The following RBFOX3 variants were observed in gnomAD, a reference collection of about 807,000 sequenced individuals.
RBFOX3 encodes the protein RNA binding fox-1 homolog 3, also known as RNA binding protein fox-1 homolog 3.
RBFOX3 carries 17 observed loss-of-function variants against 48.7 expected under a neutral mutation model. That is an observed-to-expected ratio of 0.35 (90% CI 0.24 to 0.52). The LOEUF (loss-of-function observed/expected upper bound fraction) is 0.52. Ranked by LOEUF, RBFOX3 falls within the 20% of genes least tolerant of loss-of-function variation. The pLI is 0.94. For synonymous variants in RBFOX3, 212 were observed against 209.5 expected, an observed-to-expected ratio of 1.01 and a Z score of -0.10; for missense variants, 382 against 497.5, an observed-to-expected ratio of 0.77 and a Z score of 2.21.
chr17:79,633,657 G>T, the RBFOX3 span, among the ~76,000 whole-genome samples: 2 of 152,234 alleles, frequency 1.3e-5, no homozygotes, highest in Admixed American at 1.3e-4. Context: ...CCTGGAGACT[G>T]GACATGCTTT....
chr17:79,279,483 C>T (rs980327545), intron 3 of RBFOX3, among the ~76,000 whole-genome samples: 20 of 152,300 alleles, frequency 1.3e-4, no homozygotes, highest in Admixed American at 7.2e-4. Context: ...CGGCCCGGCA[C>T]GGTACGGCAC....
At position 79,584,987 on chromosome 17, in the gene RBFOX3, G is replaced by A. The variant is rs1236629547; in HGVS notation, c.-320+25839C>T. On this transcript the variant is annotated intron_variant, in intron 1 of 14. Coordinates refer to ENST00000693108, the MANE Select transcript of RBFOX3 (RefSeq NM_001350451.2). Reference sequence around the variant, plus strand: ...TCACCGTGTTAGCCAGGATGTTCTCGATCTCCTGACCTCGTGATCCGCCCG... The same window carrying A: ...TCACCGTGTTAGCCAGGATGTTCTCAATCTCCTGACCTCGTGATCCGCCCG... Among the ~76,000 whole-genome samples, 7 of 151,812 alleles carry A rather than the reference G, an allele frequency of 4.6e-5. No homozygotes were observed. In the Middle Eastern group the frequency reaches 0.01, roughly 221 times the overall value.
At chr17:79,322,330 A>T (rs1412788341) in intron 2 of RBFOX3, among the ~76,000 whole-genome samples, 2 of 152,176 alleles carry the variant, frequency 1.3e-5, no homozygotes, top group Non-Finnish European at 2.9e-5. Context: ...GGGGCTACGC[A>T]CTCCGAACTG....
intron 1 of RBFOX3, among the ~76,000 whole-genome samples, chr17:79,547,327 C>G (rs908579136): frequency 1.3e-5 from 2 of 151,912 alleles, no homozygotes; most frequent in African/African-American, 4.8e-5. Flanking sequence ...TGGTGGCGCA[C>G]GCCTGTAATC....
At position 79,217,105 on chromosome 17, in the gene RBFOX3, C is replaced by T. The variant is rs542206733; in HGVS notation, c.-34+18661G>A. ...CTACCAAGGGGAGCCCCTCCCCGCACGGCCAAGCTGAAAGGGCCTGGGGGC... is the reference window on the plus strand; with the variant it reads ...CTACCAAGGGGAGCCCCTCCCCGCATGGCCAAGCTGAAAGGGCCTGGGGGC... On this transcript the variant is annotated intron_variant, in intron 4 of 14. Transcript: ENST00000693108. Among the ~76,000 whole-genome samples the T allele has an allele frequency of 9.8e-5, 15 of 152,332 alleles. No individual in the cohort carries two copies. In the South Asian group the frequency reaches 2.1e-3, roughly 21 times the overall value.
intron 2 of RBFOX3, among the ~76,000 whole-genome samples, chr17:79,420,803 G>A (rs35086296): frequency 0.2 from 30,414 of 152,216 alleles, 3,504 homozygotes; most frequent in Middle Eastern, 0.3. Context: ...CCCCTGGAAC[G>A]GCTTACTGAT....
At chr17:79,255,915 T>A (rs140587481) in intron 3 of RBFOX3, among the ~76,000 whole-genome samples, 8 of 151,234 alleles carry the variant, frequency 5.3e-5, no homozygotes, top group African/African-American at 1.9e-4. Context: ...CTGGGGATCC[T>A]GGACCCGCTG....
chr17:79,629,971 T>C, the RBFOX3 span, among the ~76,000 whole-genome samples: 2 of 152,242 alleles, frequency 1.3e-5, no homozygotes, highest in Non-Finnish European at 2.9e-5. Flanking sequence ...TCTGTGTAAG[T>C]GGACGACGGG....
In RBFOX3 at chr17:79,199,524, C is replaced by G. The variant is rs1365340824; in HGVS notation, c.-34+36242G>C. ...TGGATGGCCTGAACCCAGTCACTGA[C>G]TTAGGGCTGCCAGTGACCTCTGTGG... is the stretch of plus-strand genomic sequence containing the variant. On this transcript the variant is annotated intron_variant, in intron 4 of 14. Transcript: ENST00000693108. The surrounding 1 kb of genome is among the most constrained non-coding windows in gnomAD (Gnocchi z 5.1). Among the ~76,000 whole-genome samples, 2 of 152,220 alleles carry G rather than the reference C, an allele frequency of 1.3e-5. No homozygotes were observed. Among genetic ancestry groups the G allele is most frequent in the African/African-American group, 4.8e-5 (2 of 41,464 alleles).
the RBFOX3 span, among the ~76,000 whole-genome samples, chr17:79,641,481 A>G: frequency 6.6e-6 from 1 of 152,218 alleles, no homozygotes; most frequent in Admixed American, 6.5e-5. Flanking sequence ...CAGTTTCTCA[A>G]AGAGACAACT....
chr17:79,158,834 C>A (rs1398141135), intron 4 of RBFOX3, among the ~76,000 whole-genome samples: 2 of 152,204 alleles, frequency 1.3e-5, no homozygotes, highest in African/African-American at 4.8e-5. Flanking sequence ...GCCCACGTGG[C>A]AGTCACTTCT....
At chr17:79,147,075 C>T (rs541347479) in intron 4 of RBFOX3, among the ~76,000 whole-genome samples, 9 of 152,350 alleles carry the variant, frequency 5.9e-5, no homozygotes, top group South Asian at 4.1e-4. Context: ...GGTCAGCCCC[C>T]GGTGCCAGGT....
At chr17:79,637,824 AAGGGAAG>A in the RBFOX3 span, among the ~76,000 whole-genome samples, 1 of 122,772 alleles carries the variant, frequency 8.1e-6, no homozygotes, top group African/African-American at 2.7e-5. Context: ...AAGGGAAGGG[AAGGGAAG>A]GGGAAAAGGG....
At chr17:79,621,924 C>T in the RBFOX3 span, among the ~76,000 whole-genome samples, 10 of 152,226 alleles carry the variant, frequency 6.6e-5, no homozygotes, top group East Asian at 1.9e-4. Context: ...CACCCGAATC[C>T]GGGGAGAAGG....
Position 79,471,841 on chromosome 17 carries a change from G to A in RBFOX3, c.-175+10613C>T, listed in dbSNP as rs539647883. Among the ~76,000 whole-genome samples, 19 of 152,270 alleles carry A rather than the reference G, an allele frequency of 1.2e-4. No individual in the cohort carries two copies. Among genetic ancestry groups the A allele is most frequent in the African/African-American group, 3.9e-4 (16 of 41,538 alleles). On this transcript the variant is annotated intron_variant, in intron 2 of 14. Coordinates refer to ENST00000693108, the MANE Select transcript of RBFOX3 (RefSeq NM_001350451.2). The surrounding 1 kb of genome is among the most constrained non-coding windows in gnomAD (Gnocchi z 4.0). ...CCCGTGTGTGACCCGGGATCCCACC[G>A]TTCTCCAGGGTCGAGGGAGAACACT...
chr17:79,166,976 C>T lies in RBFOX3; in HGVS notation c.-33-51228G>A, dbSNP rs555483925. Among the ~76,000 whole-genome samples, 17 of 152,246 alleles carry T rather than the reference C, an allele frequency of 1.1e-4. No individual in the cohort carries two copies. In the Middle Eastern group the frequency reaches 0.02, roughly 183 times the overall value. On this transcript the variant is annotated intron_variant, in intron 4 of 14. Coordinates refer to ENST00000693108, the MANE Select transcript of RBFOX3 (RefSeq NM_001350451.2). The stretch of plus-strand genomic sequence containing the variant: ...GTGAACAGACCAGTGGCCATGCCTC[C>T]GGGGGCCCAGAGACAGCCTCAAACA...
the RBFOX3 span, among the ~76,000 whole-genome samples, chr17:79,662,132 C>CTTTTTATTTTTTT: frequency 1.0e-5 from 1 of 96,856 alleles, no homozygotes; most frequent in Non-Finnish European, 1.9e-5. Context: ...CCTGTTTATT[C>CTTTTTATTTTTTT]TTTTTTTTTT....
intron 1 of RBFOX3, among the ~76,000 whole-genome samples, chr17:79,505,023 G>T (rs997989759): frequency 6.6e-6 from 1 of 152,154 alleles, no homozygotes; most frequent in Admixed American, 6.5e-5. Context: ...ACCCAATAAG[G>T]TAAAGCACCC....
intron 2 of RBFOX3, among the ~76,000 whole-genome samples, chr17:79,430,706 A>T (rs1324956725): frequency 6.6e-6 from 1 of 151,994 alleles, no homozygotes; most frequent in Non-Finnish European, 1.5e-5. Context: ...CACCACACCC[A>T]GCTAATTTTT....
Sources: allele counts gnomAD v4.1 joint callset (sites outside exome capture counted in the v4.1 genomes callset), GRCh38; gene constraint gnomAD v4.1.1; non-coding constraint Gnocchi (gnomAD v3.1); transcripts MANE v1.5; gene names NCBI Gene and HGNC (gene_info 2026-07-23, HGNC 2026-07-21).